The following FARS2 variants were observed in gnomAD, a reference collection of about 807,000 sequenced individuals.
FARS2 encodes phenylalanine--tRNA ligase, mitochondrial.
In FARS2, 40 loss-of-function variants were observed where a neutral mutation model predicts 46.4. That is an observed-to-expected ratio of 0.86 (90% CI 0.67 to 1.12). The LOEUF is 1.12. Among genes scored for constraint, FARS2 ranks in the 50% most tolerant of loss-of-function variants. The pLI is 0.00. For missense variants in FARS2, 513 were observed against 567.9 expected (o/e 0.90, Z 0.98); for synonymous variants, 234 against 214.9 (o/e 1.09, Z -0.78).
intron 1 of FARS2, among the ~76,000 whole-genome samples, chr6:5,341,186 GAGATATATAT>G (rs1771534388): frequency 1.6e-5 from 1 of 61,230 alleles, no homozygotes; most frequent in Non-Finnish European, 3.0e-5. Context: ...TGGCCATGGG[GAGATATATAT>G]ATATATATAT....
At position 5,343,676 on chromosome 6, in the gene FARS2, G is replaced by T. The variant is rs1464948077; in HGVS notation, c.-21-24874G>T. ...ATTAAGTTTTTATCACCTTTAACAG[G>T]AATGTGTCGTGACTGAAAGTGGAGG... On this transcript the variant is annotated intron_variant, in intron 1 of 6. Transcript: ENST00000274680. The surrounding 1 kb of genome is among the most constrained non-coding windows in gnomAD (Gnocchi z 4.5). 1.3e-5 allele frequency among the ~76,000 whole-genome samples: 2 copies of T among 152,126 alleles called. No homozygotes were observed. The highest frequency in any genetic ancestry group is 2.9e-5 in the Non-Finnish European group (2 of 68,020).
At chr6:5,440,712 G>T (rs531854400) in intron 4 of FARS2, among the ~76,000 whole-genome samples, 29 of 152,190 alleles carry the variant, frequency 1.9e-4, no homozygotes, top group African/African-American at 7.0e-4. Flanking sequence ...AAGTGGAGGG[G>T]GGGTGTCTCA....
chr6:5,693,983 C>G (rs376332070), intron 6 of FARS2, among the ~76,000 whole-genome samples: 2 of 152,296 alleles, frequency 1.3e-5, no homozygotes, highest in South Asian at 2.1e-4. Flanking sequence ...TCATAAAAGC[C>G]CACCCATTTT....
At chr6:5,251,833 G>T in the FARS2 span, among the ~76,000 whole-genome samples, 1 of 152,228 alleles carries the variant, frequency 6.6e-6, no homozygotes. Context: ...ACATGTGAAA[G>T]AAATCCTTTG....
chr6:5,473,170 A>C (rs1311804016), intron 4 of FARS2, among the ~76,000 whole-genome samples: 2 of 152,192 alleles, frequency 1.3e-5, no homozygotes, highest in Non-Finnish European at 2.9e-5. Context: ...GACACGAATC[A>C]GCACAAGCAA....
chr6:5,719,919 T>C (rs1759778925), intron 6 of FARS2, among the ~76,000 whole-genome samples: 1 of 152,246 alleles, frequency 6.6e-6, no homozygotes, highest in Non-Finnish European at 1.5e-5. Context: ...AAACCTGTTG[T>C]GGACTCTCTA....
At chr6:5,480,828 C>T (rs1766410397) in intron 4 of FARS2, among the ~76,000 whole-genome samples, 1 of 152,188 alleles carries the variant, frequency 6.6e-6, no homozygotes, top group African/African-American at 2.4e-5. Context: ...GGTTTAACTG[C>T]ATGGTGAATT....
chr6:5,447,904 C>T (rs1437652364), intron 4 of FARS2, among the ~76,000 whole-genome samples: 4 of 152,212 alleles, frequency 2.6e-5, no homozygotes, highest in Non-Finnish European at 5.9e-5. Flanking sequence ...GGCAAGTGGC[C>T]TGCAGAATCA....
chr6:5,465,651 C>G (rs1317413748), intron 4 of FARS2, among the ~76,000 whole-genome samples: 5 of 152,162 alleles, frequency 3.3e-5, no homozygotes, highest in Non-Finnish European at 5.9e-5. Flanking sequence ...CCATGTCTCT[C>G]TAAGTACTCC....
chr6:5,442,100 A>G (rs1471863845), intron 4 of FARS2, among the ~76,000 whole-genome samples: 1 of 152,220 alleles, frequency 6.6e-6, no homozygotes, highest in Non-Finnish European at 1.5e-5. Flanking sequence ...CCCTCTCTCA[A>G]AAATTAAATA....
At chr6:5,728,196 T>C (rs1394696680) in intron 6 of FARS2, among the ~76,000 whole-genome samples, 1 of 152,184 alleles carries the variant, frequency 6.6e-6, no homozygotes, top group Non-Finnish European at 1.5e-5. Flanking sequence ...GAAACTTAAA[T>C]GGAGGAATTA....
intron 1 of FARS2, among the ~76,000 whole-genome samples, chr6:5,269,748 G>C (rs908017602): frequency 6.6e-6 from 1 of 152,174 alleles, no homozygotes; most frequent in Non-Finnish European, 1.5e-5. Context: ...GCAATACTGA[G>C]ATCTGTGATG....
rs1386063787 is a variant in FARS2 at position 5,262,230 on chromosome 6, A to T, written c.-22+570A>T. On this transcript the variant is annotated intron_variant, in intron 1 of 6. Transcript: ENST00000274680. ...TTAGTGTATTTGGTTTTGAAACGAT[A>T]TACCTGCTGTATGTCTAAACAACTT... is the stretch of plus-strand genomic sequence containing the variant. Among the ~76,000 whole-genome samples the T allele has an allele frequency of 2.0e-5, 3 of 152,212 alleles. No individual in the cohort carries two copies. In the East Asian group the frequency reaches 5.8e-4, roughly 29 times the overall value.
chr6:5,680,338 G>T, intron 6 of FARS2, among the ~76,000 whole-genome samples: 1 of 152,140 alleles, frequency 6.6e-6, no homozygotes, highest in East Asian at 1.9e-4. Flanking sequence ...CATGGGTTAC[G>T]CATAAGCATC....
chr6:5,477,430 A>G (rs1297053572), intron 4 of FARS2, among the ~76,000 whole-genome samples: 1 of 152,198 alleles, frequency 6.6e-6, no homozygotes, highest in Non-Finnish European at 1.5e-5. Context: ...AACAGGGTTG[A>G]TTAATGCCAA....
intron 4 of FARS2, among the ~76,000 whole-genome samples, chr6:5,490,158 G>A (rs1767014920): frequency 6.6e-6 from 1 of 151,198 alleles, no homozygotes; most frequent in South Asian, 2.1e-4. Context: ...ATACTTAGAT[G>A]TTTGTGTTTG....
chr6:5,618,628 A>G (rs1469225032), intron 6 of FARS2, among the ~76,000 whole-genome samples: 1 of 152,198 alleles, frequency 6.6e-6, no homozygotes, highest in East Asian at 1.9e-4. Flanking sequence ...CTTGATTACA[A>G]ATAACAGCTT....
At chr6:5,673,539 T>C (rs1238437637) in intron 6 of FARS2, among the ~76,000 whole-genome samples, 1 of 152,250 alleles carries the variant, frequency 6.6e-6, no homozygotes. Context: ...GAGGAAATTC[T>C]ATGTTCCCCG....
At chr6:5,268,798 T>G (rs1177437153) in intron 1 of FARS2, among the ~76,000 whole-genome samples, 1 of 152,202 alleles carries the variant, frequency 6.6e-6, no homozygotes, top group African/African-American at 2.4e-5. Flanking sequence ...TTGGGCAGTA[T>G]GGCCATTTTC....
Sources: allele counts gnomAD v4.1 joint callset (sites outside exome capture counted in the v4.1 genomes callset), GRCh38; gene constraint gnomAD v4.1.1; non-coding constraint Gnocchi (gnomAD v3.1); transcripts MANE v1.5; gene names NCBI Gene and HGNC (gene_info 2026-07-23, HGNC 2026-07-21).